The following COL5A2 variants were observed in gnomAD, a reference collection of about 807,000 sequenced individuals.
COL5A2 encodes collagen alpha-2(V) chain.
In COL5A2, 23 loss-of-function variants were observed where a neutral mutation model predicts 208.2. That is an observed-to-expected ratio of 0.11 (90% CI 0.08 to 0.16). The LOEUF (loss-of-function observed/expected upper bound fraction) is 0.16, where lower values mean the gene tolerates loss of function less well. Among genes scored for constraint, COL5A2 ranks in the 10% least tolerant of loss-of-function variants. The pLI is 1.00. For synonymous variants in COL5A2, 625 were observed against 628.5 expected (o/e 0.99, Z 0.08); for missense variants, 1,590 against 1,956.4 (o/e 0.81, Z 3.53).
chr2:189,094,646 C>CACACACACACACACACAT (rs1248564270), intron 6 of COL5A2, among the ~76,000 whole-genome samples: 1 of 132,544 alleles, frequency 7.5e-6, no homozygotes, highest in Non-Finnish European at 1.7e-5. Flanking sequence ...CACACACACA[C>CACACACACACACACACAT]ATAAATGTTA....
At chr2:189,185,895 T>C (rs1688845648) in intron 1 of COL5A2, among the ~76,000 whole-genome samples, 1 of 152,172 alleles carries the variant, frequency 6.6e-6, no homozygotes, top group Non-Finnish European at 1.5e-5. Context: ...AGGAAAATGA[T>C]TGTCCTAGAG....
At chr2:189,346,435 T>C in the COL5A2 span, among the ~76,000 whole-genome samples, 53 of 152,348 alleles carry the variant, frequency 3.5e-4, no homozygotes, top group Non-Finnish European at 8.8e-5. Context: ...TTTGGAGCTA[T>C]GTATACATTT....
chr2:189,371,194 A>G, the COL5A2 span, among the ~76,000 whole-genome samples: 8 of 152,282 alleles, frequency 5.3e-5, no homozygotes, highest in East Asian at 5.8e-4. Context: ...CCAGGAGCAG[A>G]TGCTAGTGCC....
At chr2:189,169,711 T>G (rs1688535198) in intron 1 of COL5A2, among the ~76,000 whole-genome samples, 1 of 152,210 alleles carries the variant, frequency 6.6e-6, no homozygotes, top group Non-Finnish European at 1.5e-5. Flanking sequence ...TCTATTATTA[T>G]TAAATAATAA....
chr2:189,094,025 T>C (rs72906330), intron 6 of COL5A2, among the ~76,000 whole-genome samples: 20,188 of 152,222 alleles, frequency 0.13, 1,368 homozygotes, highest in Middle Eastern at 0.19. Flanking sequence ...CACAAAACTA[T>C]ATTTATTGTC....
At chr2:189,089,014 A>G (rs765552949) in intron 7 of COL5A2, among the ~76,000 whole-genome samples, 31 of 152,182 alleles carry the variant, frequency 2.0e-4, no homozygotes, top group Admixed American at 1.0e-3. Flanking sequence ...TTTCTGAAAC[A>G]GGGCAAATGT....
At chr2:189,060,089 A>G (rs1685994999) in intron 31 of COL5A2, among the ~76,000 whole-genome samples, 1 of 151,814 alleles carries the variant, frequency 6.6e-6, no homozygotes, top group Admixed American at 6.6e-5. Flanking sequence ...ATCATCATTC[A>G]TCTCTCAGAT....
Position 189,063,174 on chromosome 2 carries a change from T to A in COL5A2, c.1867A>T (p.Ser623Cys). 6.2e-7 allele frequency: 1 copy of A among 1,614,066 alleles called. No homozygotes were observed. Among genetic ancestry groups the A allele is most frequent in the South Asian group, 1.1e-5 (1 of 91,090 alleles). ...AACATATTATACACTGTACTCACAC[T>A]GCTACCTTTGGGGCCTGGAAGGCCC... ...SMGLPGPKGS[S>C]GDPGKPGEAG... Residue 623 changes from serine (S) to cysteine (C), a missense_variant and splice_region_variant, in exon 27 of 54, where the codon AGT becomes TGT. Transcript: ENST00000374866.
At chr2:189,087,629 A>AT (rs528975622) in intron 8 of COL5A2, among the ~76,000 whole-genome samples, 1,413 of 120,606 alleles carry the variant, frequency 0.012, 12 homozygotes, top group African/African-American at 0.024. Context: ...ATTGTTTTGT[A>AT]TTTTTTTTTT....
At chr2:189,325,797 C>T in the COL5A2 span, among the ~76,000 whole-genome samples, 1 of 151,694 alleles carries the variant, frequency 6.6e-6, no homozygotes, top group Non-Finnish European at 1.5e-5. Flanking sequence ...AAACATTTAC[C>T]ATAGAAAAAG....
At chr2:189,231,700 A>G in the COL5A2 span, among the ~76,000 whole-genome samples, 63 of 151,980 alleles carry the variant, frequency 4.1e-4, no homozygotes, top group African/African-American at 1.5e-3. Flanking sequence ...TAAAATATTT[A>G]ATGAATGTGT....
At chr2:189,110,150 G>T in intron 2 of COL5A2, 75 bp downstream of exon 2, 2 of 1,111,032 alleles carry the variant, frequency 1.8e-6, no homozygotes, top group Non-Finnish European at 2.8e-6. Flanking sequence ...GTTGCTGAAT[G>T]CTGAAAGTGA....
the COL5A2 span, among the ~76,000 whole-genome samples, chr2:189,429,445 T>C: frequency 5.9e-5 from 9 of 152,174 alleles, no homozygotes; most frequent in African/African-American, 2.2e-4. Flanking sequence ...TCAAAGAAGG[T>C]TGACTCTAAG....
rs1688748193 is a variant in COL5A2, at chr2:189,179,692, T to G, written c.-88A>C. 8 of 1,544,240 alleles carry G rather than the reference T, an allele frequency of 5.2e-6. No homozygotes were observed. The South Asian group carries it at 5.9e-5, about 11-fold the overall frequency. On this transcript the variant is annotated 5_prime_UTR_variant, in exon 1 of 54. Coordinates refer to ENST00000374866, the MANE Select transcript of COL5A2 (RefSeq NM_000393.5). ...CACCATGAAGTCAGCTGTGGGCTCT[T>G]CTTTCAGCACCAGCCCCAGGGCAGC... is the stretch of plus-strand genomic sequence containing the variant.
the COL5A2 span, among the ~76,000 whole-genome samples, chr2:189,322,825 T>C: frequency 2.0e-5 from 3 of 152,322 alleles, no homozygotes; most frequent in East Asian, 5.8e-4. Context: ...TGAATCATTT[T>C]ATGAGGCCAA....
In COL5A2 at chr2:189,041,654, T is replaced by G; in HGVS notation, c.3565A>C (p.Asn1189His). 1.9e-6 allele frequency: 3 copies of G among 1,614,130 alleles called. No individual in the cohort carries two copies. The highest frequency in any genetic ancestry group is 1.7e-6 in the Non-Finnish European group (2 of 1,179,966). ...GPVGPSGKEGNPGPLGPIGPP... is the reference protein window; with the variant it reads ...GPVGPSGKEGHPGPLGPIGPP... Reference sequence around the variant, plus strand: ...CCAATTGGCCCAAGTGGCCCAGGGTTTCCTTCTTTACCTGAAGGACCAACT... The same window carrying G: ...CCAATTGGCCCAAGTGGCCCAGGGTGTCCTTCTTTACCTGAAGGACCAACT... The change falls in exon 50 of 54, where the codon AAC (asparagine) becomes CAC (histidine). Residue 1189 changes from asparagine to histidine, a missense_variant. Physicochemically the swap from Asn to His is moderately conservative, Grantham distance 68 (BLOSUM62 1). Coordinates refer to ENST00000374866, the MANE Select transcript of COL5A2 (RefSeq NM_000393.5).
At chr2:189,064,952 A>C in intron 24 of COL5A2, 52 bp downstream of exon 24, 1 of 1,572,392 alleles carries the variant, frequency 6.4e-7, no homozygotes, top group Non-Finnish European at 8.7e-7. Flanking sequence ...GAAAAATGGC[A>C]TCTTCTGGAG....
the COL5A2 span, among the ~76,000 whole-genome samples, chr2:189,379,609 A>T: frequency 6.6e-6 from 1 of 152,210 alleles, no homozygotes; most frequent in Non-Finnish European, 1.5e-5. Context: ...TATGTCCTTT[A>T]CACTTTGTGT....
At chr2:189,346,947 C>T in the COL5A2 span, among the ~76,000 whole-genome samples, 3 of 152,134 alleles carry the variant, frequency 2.0e-5, no homozygotes, top group African/African-American at 7.2e-5. Flanking sequence ...CACCAACTAA[C>T]GCTTAGGAGA....
Sources: gnomAD v4.1 joint callset for allele counts (sites outside exome capture counted in the v4.1 genomes callset) on GRCh38, gnomAD v4.1.1 for gene constraint, MANE v1.5 for transcripts, NCBI Gene and HGNC (gene_info 2026-07-23, HGNC 2026-07-21) for gene names.